Variants in SUN5 observed in about 807,000 individuals in gnomAD.
SUN5 encodes the protein Sad1 and UNC84 domain containing 5.
A neutral mutation model predicts 53.7 loss-of-function variants in SUN5; 44 were observed. The ratio of observed to expected loss-of-function variants is 0.82; its 90% CI spans 0.64 to 1.05. SUN5 has a LOEUF of 1.05. Among genes scored for constraint, SUN5 ranks in the 50% least tolerant of loss-of-function variants. The probability of loss-of-function intolerance (pLI) is 0.00; values close to 1 mark genes in which losing one functional copy is unlikely to be tolerated. For synonymous variants in SUN5, 166 were observed against 179.8 expected, an observed-to-expected ratio of 0.92 and a Z score of 0.62; for missense variants, 433 against 483.8, an observed-to-expected ratio of 0.90 and a Z score of 0.98.
Position 33,001,195 on chromosome 20 carries a change from C to G in SUN5, c.278+17G>C. 2 of 1,563,988 alleles carry G rather than the reference C, an allele frequency of 1.3e-6. No homozygotes were observed. Among genetic ancestry groups the G allele is most frequent in the Non-Finnish European group, 8.7e-7 (1 of 1,152,318 alleles). On this transcript the variant is annotated intron_variant, in intron 4 of 12. Transcript: ENST00000356173. ...TTCCCACTCCCCATCCACCCTCCCC[C>G]TGCCTTCCCTGCTCACCTGCACGTG...
chr20:33,001,766 T>C (rs953847884), intron 3 of SUN5, among the ~76,000 whole-genome samples: 1 of 146,292 alleles, frequency 6.8e-6, no homozygotes, highest in Non-Finnish European at 1.5e-5. Flanking sequence ...CCTCCCAAGT[T>C]CAAGCGATTC....
At chr20:32,991,633 G>A (rs570328143) in intron 8 of SUN5, among the ~76,000 whole-genome samples, 2 of 152,280 alleles carry the variant, frequency 1.3e-5, no homozygotes, top group Admixed American at 6.5e-5. Context: ...TGACTGACAC[G>A]GTCTCTCCTC....
At chr20:32,989,341 C>T (rs1165514324) in intron 9 of SUN5, among the ~76,000 whole-genome samples, 2 of 152,170 alleles carry the variant, frequency 1.3e-5, no homozygotes, top group Non-Finnish European at 2.9e-5. Flanking sequence ...AAGCCAAGAA[C>T]AGCCTAAGCA....
intron 5 of SUN5, 40 bp downstream of exon 5, chr20:33,000,034 G>A (rs376426912): frequency 1.3e-6 from 2 of 1,595,390 alleles, no homozygotes; most frequent in Non-Finnish European, 1.7e-6. Context: ...AGGGCCCAGG[G>A]ATACCTCCAC....
At chr20:32,986,716 G>C (rs971534591) in intron 10 of SUN5, among the ~76,000 whole-genome samples, 1 of 152,174 alleles carries the variant, frequency 6.6e-6, no homozygotes, top group South Asian at 2.1e-4. Context: ...GAGGGCCCAG[G>C]AGGGGCAGAG....
In SUN5 at chr20:33,000,120, G is replaced by T; in HGVS notation, c.294C>A (p.Cys98Ter). 1 of 1,605,708 alleles carries T rather than the reference G, an allele frequency of 6.2e-7. No individual in the cohort carries two copies. The highest frequency in any genetic ancestry group is 2.2e-5 in the East Asian group (1 of 44,642). Residue 98 changes from cysteine (C) to a stop codon, truncating the protein, a stop_gained, in exon 5 of 13, where the codon TGC (cysteine) becomes TGA (stop). Transcript: ENST00000356173. LOFTEE classifies it high-confidence loss of function. Reference sequence around the variant, plus strand: ...TGCCTGTCTTCTCCATGAGCTTCTGGCACAGCAGCTTGCATCTGGAAGGCA... The same window carrying T: ...TGCCTGTCTTCTCCATGAGCTTCTGTCACAGCAGCTTGCATCTGGAAGGCA... The part of the protein sequence containing the change: ...LFNTCRCKLL[C>*]QKLMEKTGIL...
At chr20:32,990,151 G>A (rs897892669) in intron 8 of SUN5, among the ~76,000 whole-genome samples, 1 of 152,054 alleles carries the variant, frequency 6.6e-6, no homozygotes, top group Non-Finnish European at 1.5e-5. Context: ...TCCCCTCCCA[G>A]CACCCCTAAG....
At chr20:32,999,503 A>C (rs1395286845) in intron 5 of SUN5, among the ~76,000 whole-genome samples, 9 of 151,948 alleles carry the variant, frequency 5.9e-5, no homozygotes, top group African/African-American at 2.2e-4. Flanking sequence ...TGAGGCAGAG[A>C]ATTGCTTGAA....
At position 32,985,876 on chromosome 20, in the gene SUN5, C is replaced by T; in HGVS notation, c.757G>A (p.Ala253Thr). The change falls in exon 11 of 13, where the codon GCC becomes ACC. Residue 253 changes from alanine (A) to threonine (T), a missense_variant. Coordinates refer to ENST00000356173, the MANE Select transcript of SUN5 (RefSeq NM_080675.4). The part of the protein sequence containing the change: ...EPNVTPGNCW[A>T]FEGDRGQVTI... ...ACCTGGCCGCGGTCACCCTCAAAGG[C>T]CCAGCAATTGCCAGGTGTCACGTTG... 1 of 1,613,966 alleles carries T rather than the reference C, an allele frequency of 6.2e-7. No homozygotes were observed.
chr20:32,990,979 G>A (rs997159898), intron 8 of SUN5, among the ~76,000 whole-genome samples: 3 of 152,202 alleles, frequency 2.0e-5, no homozygotes, highest in African/African-American at 7.2e-5. Context: ...TTGTTGATGT[G>A]CAAACTGGAG....
intron 8 of SUN5, among the ~76,000 whole-genome samples, chr20:32,992,960 G>A (rs767097900): frequency 1.2e-4 from 19 of 152,186 alleles, no homozygotes; most frequent in Non-Finnish European, 2.4e-4. Flanking sequence ...TCATGGGAGC[G>A]TAAATTGAAA....
rs112468655 is a variant in SUN5 at position 33,001,519 on chromosome 20, CTTCTTTCTTTCT to C, written c.212-253_212-242del. On this transcript the variant is annotated intron_variant, in intron 3 of 12. Coordinates refer to ENST00000356173, the MANE Select transcript of SUN5 (RefSeq NM_080675.4). ...CAGTTAACAGACATTTTCTTTCTTT[CTTCTTTCTTTCT>C]TTCTTTCTTTCTTTCTTTCTTTCTT... 2.1e-4 allele frequency among the ~76,000 whole-genome samples: 25 copies of C among 121,400 alleles called. No homozygotes were observed. In the East Asian group the frequency reaches 2.1e-3, roughly 10 times the overall value. The allele number at this position is 121,400 out of a possible 152,430, so 79.6% of individuals were successfully genotyped here. A position where few individuals can be genotyped will look rare whatever the true frequency, so the allele number is the denominator to read the frequency against.
At chr20:33,000,686 A>C (rs1473305081) in intron 4 of SUN5, among the ~76,000 whole-genome samples, 1 of 152,026 alleles carries the variant, frequency 6.6e-6, no homozygotes, top group Non-Finnish European at 1.5e-5. Flanking sequence ...CTCTACAAAA[A>C]ATACAAAAAT....
chr20:32,988,688 A>G (rs915275128), intron 9 of SUN5, among the ~76,000 whole-genome samples: 4 of 151,624 alleles, frequency 2.6e-5, no homozygotes, highest in African/African-American at 7.3e-5. Flanking sequence ...CCCCAGGTTC[A>G]AACGATTCTC....
In SUN5 at chr20:32,985,718, C is replaced by T. The variant is rs373521268; in HGVS notation, c.897+18G>A. 3.8e-5 allele frequency: 62 copies of T among 1,613,022 alleles called. No individual in the cohort carries two copies. The highest frequency in any genetic ancestry group is 5.3e-5 in the Non-Finnish European group (62 of 1,179,442). On this transcript the variant is annotated intron_variant, in intron 11 of 12. Transcript: ENST00000356173. ...TGTCCCTTTAGCTAAGCATAGCTCC[C>T]TGCAGGGGAGTGCTCACATAGATGA... is the stretch of plus-strand genomic sequence containing the variant.
At chr20:32,997,233 C>T (rs980748641) in intron 6 of SUN5, among the ~76,000 whole-genome samples, 44 of 152,170 alleles carry the variant, frequency 2.9e-4, no homozygotes, top group African/African-American at 8.9e-4. Flanking sequence ...TAGGGAGTTT[C>T]GCTACTTATT....
At chr20:32,984,676 C>T (rs181111153) in intron 12 of SUN5, among the ~76,000 whole-genome samples, 6 of 152,306 alleles carry the variant, frequency 3.9e-5, no homozygotes, top group Admixed American at 1.3e-4. Flanking sequence ...GTCACTCCTC[C>T]GGACCTGCTT....
At chr20:33,002,553 T>C (rs761947219) in intron 3 of SUN5, 34 bp downstream of exon 3, 1 of 1,610,518 alleles carries the variant, frequency 6.2e-7, no homozygotes, top group Non-Finnish European at 8.5e-7. Context: ...AGACCCATAT[T>C]GATGACGAAG....
intron 8 of SUN5, among the ~76,000 whole-genome samples, chr20:32,991,439 A>G (rs926002953): frequency 1.3e-5 from 2 of 152,248 alleles, no homozygotes; most frequent in African/African-American, 4.8e-5. Flanking sequence ...AGGCACAAAG[A>G]CGGTAAGTAA....
Sources: allele counts gnomAD v4.1 joint callset (sites outside exome capture counted in the v4.1 genomes callset), GRCh38; gene constraint gnomAD v4.1.1; transcripts MANE v1.5; gene names NCBI Gene and HGNC (gene_info 2026-07-23, HGNC 2026-07-21).